PLA2G4D: variants seen among roughly 807,000 people sequenced by gnomAD.
PLA2G4D encodes phospholipase A2 group IVD.
PLA2G4D carries 80 observed loss-of-function variants against 94.4 expected under a neutral mutation model. The observed-to-expected ratio is 0.85, with a 90% confidence interval of 0.71 to 1.02. The LOEUF (loss-of-function observed/expected upper bound fraction) is 1.02, where lower values mean the gene tolerates loss of function less well. PLA2G4D is among the 50% of genes least tolerant of loss of function. PLA2G4D has a pLI of 0.00. For synonymous variants in PLA2G4D, 438 were observed against 440.9 expected (o/e 0.99, Z 0.08); for missense variants, 1,050 against 1,034.7 (o/e 1.01, Z -0.20).
At chr15:42,083,362 G>A (rs1890079676) in intron 7 of PLA2G4D, 28 bp from the exon 8 acceptor site, 4 of 1,598,152 alleles carry the variant, frequency 2.5e-6, no homozygotes, top group Admixed American at 3.5e-5. Flanking sequence ...GGGTTAGCAT[G>A]AGAACAAGAG....
In PLA2G4D at chr15:42,086,304, G is replaced by A. The variant is rs1890146709; in HGVS notation, c.296C>T (p.Thr99Met). Residue 99 changes from threonine to methionine, a missense_variant, in exon 4 of 20, where the codon ACG becomes ATG. By Grantham distance (81) the Thr-to-Met change is moderately conservative. Transcript: ENST00000290472. ...AACCTTGAAGCAGATGTCATCCTCC[G>A]TGACTGAGTCCTCATCATAGATGCT... is the stretch of plus-strand genomic sequence containing the variant. ...ELSIYDEDSV[T>M]EDDICFKVLY... 6.9e-6 allele frequency: 11 copies of A among 1,600,360 alleles called. No individual in the cohort carries two copies. Among genetic ancestry groups the A allele is most frequent in the South Asian group, 6.6e-5 (6 of 90,868 alleles).
chr15:42,071,975 G>T, intron 14 of PLA2G4D, 64 bp from the exon 15 acceptor site: 1 of 1,569,078 alleles, frequency 6.4e-7, no homozygotes, highest in South Asian at 1.2e-5. Context: ...CCCCAGCTCT[G>T]GCGAAAGACA....
At chr15:42,077,885 A>G (rs568067699) in intron 13 of PLA2G4D, among the ~76,000 whole-genome samples, 2 of 152,374 alleles carry the variant, frequency 1.3e-5, no homozygotes, top group South Asian at 2.1e-4. Flanking sequence ...GGTAGGAGGC[A>G]GGGCTTGACT....
chr15:42,083,822 G>A (rs1299501896), intron 6 of PLA2G4D, 43 bp from the exon 7 acceptor site: 1 of 1,602,332 alleles, frequency 6.2e-7, no homozygotes, highest in East Asian at 2.2e-5. Flanking sequence ...TGCAGGGTAA[G>A]CTGAGGTCCC....
At position 42,071,456 on chromosome 15, in the gene PLA2G4D, T is replaced by C. The variant is rs952316552; in HGVS notation, c.1669A>G (p.Thr557Ala). The C allele has an allele frequency of 5.6e-6, 9 of 1,612,576 alleles. No homozygotes were observed. In the African/African-American group the frequency reaches 8.0e-5, roughly 14 times the overall value. ...ESWKQHIKDK[T>A]RSLEKEPLTT... ...CTGCCCTTCCCACCTAAGCTCCTGG[T>C]CTTGTCCTTGATGTGCTGTTTCCAG... is the stretch of plus-strand genomic sequence containing the variant. Residue 557 changes from threonine to alanine, a missense_variant, in exon 16 of 20, where the codon ACC (threonine) becomes GCC (alanine). Transcript: ENST00000290472.
chr15:42,077,349 C>G (rs189748845), intron 13 of PLA2G4D, among the ~76,000 whole-genome samples: 1 of 152,168 alleles, frequency 6.6e-6, no homozygotes, highest in Non-Finnish European at 1.5e-5. Context: ...TACTATCATA[C>G]GAAATTCAGC....
At chr15:42,078,428 T>C (rs1889969528) in intron 13 of PLA2G4D, among the ~76,000 whole-genome samples, 1 of 152,248 alleles carries the variant, frequency 6.6e-6, no homozygotes, top group African/African-American at 2.4e-5. Context: ...ATATTCATTA[T>C]GTCATTATGC....
chr15:42,090,605 G>A (rs1323276325), intron 1 of PLA2G4D, among the ~76,000 whole-genome samples: 1 of 152,198 alleles, frequency 6.6e-6, no homozygotes, highest in Non-Finnish European at 1.5e-5. Flanking sequence ...GAGAGAAGAG[G>A]AGTGGAACAC....
chr15:42,071,309 G>A lies in PLA2G4D; in HGVS notation c.1690C>T (p.Pro564Ser), dbSNP rs1286309204. Residue 564 changes from proline to serine, a missense_variant, in exon 17 of 20, where the codon CCC becomes TCC. Coordinates refer to ENST00000290472, the MANE Select transcript of PLA2G4D (RefSeq NM_178034.4). ...GAGGAGGTCCCCGAGGTGGTCAGGGGCTCCTTCTCTGAAGCCAGAGAAACA... is the reference window on the plus strand; with the variant it reads ...GAGGAGGTCCCCGAGGTGGTCAGGGACTCCTTCTCTGAAGCCAGAGAAACA... Reference protein sequence around the residue: ...KDKTRSLEKEPLTTSGTSSRL... With the variant: ...KDKTRSLEKESLTTSGTSSRL... 3 of 1,581,338 alleles carry A rather than the reference G, an allele frequency of 1.9e-6. No homozygotes were observed. The highest frequency in any genetic ancestry group is 1.7e-6 in the Non-Finnish European group (2 of 1,167,852).
At chr15:42,074,615 T>A (rs1889884499) in intron 13 of PLA2G4D, among the ~76,000 whole-genome samples, 2 of 152,208 alleles carry the variant, frequency 1.3e-5, no homozygotes, top group African/African-American at 4.8e-5. Flanking sequence ...AATAAAGTCA[T>A]TCTGAGCAAA....
chr15:42,086,195 C>CCG lies in PLA2G4D; in HGVS notation c.387+17_387+18insCG. On this transcript the variant is annotated intron_variant, in intron 4 of 19. Transcript: ENST00000290472. ...GAAGAAGTGGGGCCCACGGGGACTT[C>CCG]CCCACCCACCCACCCACCTGGGGAC... The CCG allele has an allele frequency of 1.4e-5, 5 of 361,594 alleles. No homozygotes were observed. The highest frequency in any genetic ancestry group is 4.6e-5 in the South Asian group (2 of 43,204). 22.4% of individuals were successfully genotyped at this position (361,594 alleles called of 1,614,324 possible). A position where few individuals can be genotyped will look rare whatever the true frequency, so the allele number is the denominator to read the frequency against.
rs75734921 is a variant in PLA2G4D, at chr15:42,094,432, G to A, written c.28C>T (p.Pro10Ser). Residue 10 changes from proline (P) to serine (S), a missense_variant, in exon 1 of 20, where the codon CCT (proline) becomes TCT (serine). Pro to Ser is a moderately conservative substitution (Grantham distance 74). Coordinates refer to ENST00000290472, the MANE Select transcript of PLA2G4D (RefSeq NM_178034.4). ...ACTGTTACCTGGTAAGGGTGGCCAG[G>A]TGGTCCCCCAGGTGACAGGCTCTCC... is the stretch of plus-strand genomic sequence containing the variant. MESLSPGGP[P>S]GHPYQGEAST... 6 of 1,614,028 alleles carry A rather than the reference G, an allele frequency of 3.7e-6. No homozygotes were observed. The Admixed American group carries it at 5.0e-5, about 13-fold the overall frequency.
chr15:42,093,608 C>T (rs765284954), intron 1 of PLA2G4D, among the ~76,000 whole-genome samples: 4 of 152,294 alleles, frequency 2.6e-5, no homozygotes, highest in African/African-American at 4.8e-5. Flanking sequence ...CTGAGGGGTC[C>T]CTCTCATCTT....
rs1363673631 is a variant in PLA2G4D at position 42,081,608 on chromosome 15, C to T, written c.828G>A (p.Glu276=). 7.4e-6 allele frequency: 12 copies of T among 1,614,124 alleles called. No homozygotes were observed. The highest frequency in any genetic ancestry group is 1.0e-5 in the Non-Finnish European group (12 of 1,179,968). ...RLQLKAEGCP[E]ELAVHLGFNL... ...TGAAGCCCAGGTGCACGGCCAGCTCCTCAGGGCTGTGGCAATGGAGGATCC... is the reference window on the plus strand; with the variant it reads ...TGAAGCCCAGGTGCACGGCCAGCTCTTCAGGGCTGTGGCAATGGAGGATCC... The change falls in exon 11 of 20, where the codon GAG becomes GAA. Residue 276 remains glutamate (E), a synonymous_variant. Coordinates refer to ENST00000290472, the MANE Select transcript of PLA2G4D (RefSeq NM_178034.4).
chr15:42,086,767 G>A (rs1469461583), intron 3 of PLA2G4D, among the ~76,000 whole-genome samples: 3 of 152,114 alleles, frequency 2.0e-5, no homozygotes, highest in Non-Finnish European at 4.4e-5. Flanking sequence ...CAGGCGAATC[G>A]CTTGAACCTG....
Position 42,086,213 on chromosome 15 carries a change from C to CCCCCG in PLA2G4D, c.386_387insCGGGG (p.Gln129HisfsTer13). The CCCCCG allele has an allele frequency of 6.5e-7, 1 of 1,531,824 alleles. No homozygotes were observed. Among genetic ancestry groups the CCCCCG allele is most frequent in the South Asian group, 1.2e-5 (1 of 84,282 alleles). The allele number at this position is 1,531,824 out of a possible 1,614,324, so 94.9% of individuals were successfully genotyped here. On this transcript the variant is annotated frameshift_variant and splice_region_variant, in exon 4 of 20. Coordinates refer to ENST00000290472, the MANE Select transcript of PLA2G4D (RefSeq NM_178034.4). LOFTEE classifies it high-confidence loss of function. ...GGGACTTCCCCACCCACCCACCCACCTGGGGACTCTGGGAGAAGGTTTTCC... is the reference window on the plus strand; with the variant it reads ...GGGACTTCCCCACCCACCCACCCACCCCCCGTGGGGACTCTGGGAGAAGGTTTTCC...
At chr15:42,083,958 A>C in intron 6 of PLA2G4D, 179 bp from the exon 7 acceptor site, 1 of 608,388 alleles carries the variant, frequency 1.6e-6, no homozygotes. Context: ...CCGCGGCTGA[A>C]CCTGATATTC....
intron 14 of PLA2G4D, 29 bp downstream of exon 14, chr15:42,072,246 A>G (rs763113591): frequency 6.4e-7 from 1 of 1,563,484 alleles, no homozygotes; most frequent in Admixed American, 1.7e-5. Flanking sequence ...GGGGTGGAGT[A>G]TGTGGGAGGG....
intron 3 of PLA2G4D, 101 bp downstream of exon 3, chr15:42,087,199 T>C (rs556732927): frequency 1.3e-6 from 2 of 1,487,458 alleles, no homozygotes; most frequent in Non-Finnish European, 1.8e-6. Flanking sequence ...CTGCTGAGAG[T>C]TTCTCTGACA....
Sources: gnomAD v4.1 joint callset for allele counts (sites outside exome capture counted in the v4.1 genomes callset) on GRCh38, gnomAD v4.1.1 for gene constraint, MANE v1.5 for transcripts, NCBI Gene and HGNC (gene_info 2026-07-23, HGNC 2026-07-21) for gene names.